SAMD12: variants seen among roughly 807,000 people sequenced by gnomAD.
SAMD12 encodes the protein sterile alpha motif domain containing 12.
In SAMD12, 9 loss-of-function variants were observed where a neutral mutation model predicts 15.0. The ratio of observed to expected loss-of-function variants is 0.60; its 90% CI spans 0.36 to 1.05. The LOEUF (loss-of-function observed/expected upper bound fraction) is 1.05, where lower values mean the gene tolerates loss of function less well. Among genes scored for constraint, SAMD12 ranks in the 50% least tolerant of loss-of-function variants. The pLI, the probability that SAMD12 is intolerant of heterozygous loss-of-function variation, is 0.01. For synonymous variants in SAMD12, 86 were observed against 90.1 expected (o/e 0.96, Z 0.25); for missense variants, 230 against 234.2 (o/e 0.98, Z 0.12).
intron 2 of SAMD12, among the ~76,000 whole-genome samples, chr8:118,579,185 A>G (rs1409557126): frequency 6.7e-6 from 1 of 149,972 alleles, no homozygotes; most frequent in East Asian, 2.0e-4. Context: ...AATCAGACAA[A>G]TATCAATAGT....
chr8:118,391,773 G>A (rs1262845082), intron 3 of SAMD12, among the ~76,000 whole-genome samples: 2 of 152,158 alleles, frequency 1.3e-5, no homozygotes, highest in Non-Finnish European at 2.9e-5. Context: ...CACAGCTTCA[G>A]ATATATTCAA....
At chr8:118,446,167 A>G (rs1442355186) in intron 2 of SAMD12, among the ~76,000 whole-genome samples, 1 of 151,602 alleles carries the variant, frequency 6.6e-6, no homozygotes, top group Non-Finnish European at 1.5e-5. Context: ...TGGGACCATA[A>G]ATTTGAGAAC....
chr8:118,465,763 A>G (rs1049312810), intron 2 of SAMD12, among the ~76,000 whole-genome samples: 2 of 152,130 alleles, frequency 1.3e-5, no homozygotes, highest in Admixed American at 1.3e-4. Flanking sequence ...TTAGTATTCC[A>G]TGCATATGAT....
intron 4 of SAMD12, among the ~76,000 whole-genome samples, chr8:118,317,352 A>C (rs1815970669): frequency 6.6e-6 from 1 of 152,212 alleles, no homozygotes; most frequent in Non-Finnish European, 1.5e-5. Context: ...GTGTCCAGTT[A>C]TAGTCAGAGT....
Position 118,486,225 on chromosome 8 carries a change from T to C in SAMD12, c.193-46264A>G, listed in dbSNP as rs538928033. ...GTCAGGAGATAGAGACCATCCTGGC[T>C]AACACGGTGAAACTCCGTCTCTACT... On this transcript the variant is annotated intron_variant, in intron 2 of 3. Coordinates refer to ENST00000314727, the MANE Select transcript of SAMD12 (RefSeq NM_207506.3). Among the ~76,000 whole-genome samples, 25 of 151,856 alleles carry C rather than the reference T, an allele frequency of 1.6e-4. No homozygotes were observed. In the East Asian group the frequency reaches 1.8e-3, roughly 11 times the overall value.
intron 2 of SAMD12, among the ~76,000 whole-genome samples, chr8:118,522,321 A>T (rs1825413671): frequency 6.6e-6 from 1 of 152,124 alleles, no homozygotes; most frequent in African/African-American, 2.4e-5. Context: ...GCCACTCCGA[A>T]TGGCTTTGTG....
chr8:118,491,713 G>C (rs898949464), intron 2 of SAMD12, among the ~76,000 whole-genome samples: 3 of 152,110 alleles, frequency 2.0e-5, no homozygotes, highest in African/African-American at 7.2e-5. Context: ...ACATGTGCAT[G>C]TGTCTGGCTT....
intron 3 of SAMD12, among the ~76,000 whole-genome samples, chr8:118,399,718 A>G (rs1272792822): frequency 6.6e-6 from 1 of 152,034 alleles, no homozygotes; most frequent in African/African-American, 2.4e-5. Context: ...CACCCAATAA[A>G]CTTCTGAAAG....
At chr8:118,176,648 T>C in the SAMD12 span, among the ~76,000 whole-genome samples, 1 of 152,012 alleles carries the variant, frequency 6.6e-6, no homozygotes, top group Non-Finnish European at 1.5e-5. Flanking sequence ...GAACATGAAG[T>C]CTATTTGAGG....
intron 1 of SAMD12, among the ~76,000 whole-genome samples, chr8:118,586,505 G>C (rs1351967018): frequency 6.6e-6 from 1 of 151,872 alleles, no homozygotes; most frequent in Admixed American, 6.6e-5. Flanking sequence ...ACCACACCCA[G>C]CTAATTTTTG....
intron 2 of SAMD12, among the ~76,000 whole-genome samples, chr8:118,455,441 C>T (rs1478498902): frequency 6.6e-6 from 1 of 152,140 alleles, no homozygotes; most frequent in Non-Finnish European, 1.5e-5. Context: ...ACTAGTTAGT[C>T]CTTCTTTCTT....
At chr8:118,339,002 T>C (rs2450316) in intron 4 of SAMD12, among the ~76,000 whole-genome samples, 101,635 of 152,022 alleles carry the variant, frequency 0.67, 34,489 homozygotes, top group East Asian at 0.83. Flanking sequence ...TTTGCTTCTC[T>C]TCTGTCCTGT....
chr8:118,509,125 T>C (rs1825004280), intron 2 of SAMD12, among the ~76,000 whole-genome samples: 1 of 152,218 alleles, frequency 6.6e-6, no homozygotes, highest in Admixed American at 6.5e-5. Context: ...CTTTCTTGGG[T>C]GATCCTGAGT....
In SAMD12 at chr8:118,518,414, G is replaced by T. The variant is rs1825301809; in HGVS notation, c.192+62301C>A. Reference sequence around the variant, plus strand: ...AAATCTACATCCTGTTAGTTATGGGGCCAATATTTGTATTTTGATAAACTG... The same window carrying T: ...AAATCTACATCCTGTTAGTTATGGGTCCAATATTTGTATTTTGATAAACTG... On this transcript the variant is annotated intron_variant, in intron 2 of 3. Coordinates refer to ENST00000314727, the MANE Select transcript of SAMD12 (RefSeq NM_207506.3). Among the ~76,000 whole-genome samples the T allele has an allele frequency of 2.0e-5, 3 of 152,128 alleles. No individual in the cohort carries two copies. The South Asian group carries it at 6.2e-4, about 31-fold the overall frequency.
chr8:118,177,923 C>T, the SAMD12 span, among the ~76,000 whole-genome samples: 1 of 152,130 alleles, frequency 6.6e-6, no homozygotes, highest in African/African-American at 2.4e-5. Flanking sequence ...TATCTGCTCC[C>T]ATCTGGTCTA....
chr8:118,500,677 G>C (rs181683461), intron 2 of SAMD12, among the ~76,000 whole-genome samples: 1 of 152,008 alleles, frequency 6.6e-6, no homozygotes, highest in Non-Finnish European at 1.5e-5. Context: ...GTGGTGGCAG[G>C]TGCCTGTAGT....
chr8:118,342,724 T>G (rs1267032787), intron 4 of SAMD12, among the ~76,000 whole-genome samples: 1 of 152,242 alleles, frequency 6.6e-6, no homozygotes, highest in African/African-American at 2.4e-5. Context: ...TAGAATCACC[T>G]TCTGACTCAG....
chr8:118,611,659 C>T (rs1372278964), intron 1 of SAMD12, among the ~76,000 whole-genome samples: 2 of 152,236 alleles, frequency 1.3e-5, no homozygotes, highest in East Asian at 3.8e-4. Flanking sequence ...CAGGCATATT[C>T]TCCAAACACA....
intron 3 of SAMD12, among the ~76,000 whole-genome samples, chr8:118,399,225 T>C (rs1231663670): frequency 6.6e-6 from 1 of 150,808 alleles, no homozygotes; most frequent in Non-Finnish European, 1.5e-5. Context: ...AATAAATGAC[T>C]GTGGAAGGGT....
Sources: gnomAD v4.1 joint callset for allele counts (sites outside exome capture counted in the v4.1 genomes callset) on GRCh38, gnomAD v4.1.1 for gene constraint, MANE v1.5 for transcripts, NCBI Gene and HGNC (gene_info 2026-07-23, HGNC 2026-07-21) for gene names.